ZNF365: variants seen among roughly 807,000 people sequenced by gnomAD.
ZNF365 encodes the protein zinc finger protein 365.
A neutral mutation model predicts 35.0 loss-of-function variants in ZNF365; 22 were observed. That is an observed-to-expected ratio of 0.63 (90% CI 0.45 to 0.90). ZNF365 has a LOEUF of 0.90. Ranked by LOEUF, ZNF365 falls within the 40% of genes least tolerant of loss-of-function variation. The pLI is 0.00. For synonymous variants in ZNF365, 188 were observed against 196.2 expected (o/e 0.96, Z 0.35); for missense variants, 448 against 500.3 (o/e 0.90, Z 1.00).
chr10:62,459,653 A>G, intron 3 of ZNF365: 1 of 1,413,542 alleles, frequency 7.1e-7, no homozygotes, highest in Non-Finnish European at 9.8e-7. Context: ...AATGAATGGA[A>G]CATGGCACTG....
intron 2 of ZNF365, among the ~76,000 whole-genome samples, chr10:62,387,951 C>T (rs929477136): frequency 2.6e-5 from 4 of 152,152 alleles, no homozygotes; most frequent in Non-Finnish European, 4.4e-5. Context: ...TACCTAGCTC[C>T]CTCCTCCATG....
intron 4 of ZNF365, among the ~76,000 whole-genome samples, 180 bp from the exon 5 acceptor site, chr10:62,399,348 T>C (rs543052650): frequency 7.9e-5 from 12 of 152,216 alleles, no homozygotes; most frequent in Non-Finnish European, 1.6e-4. Context: ...GATCTTTTCA[T>C]GGCGACCACA....
downstream of ZNF365, chr10:62,402,577 T>C (rs780781122): frequency 5.7e-6 from 3 of 526,188 alleles, no homozygotes; most frequent in Non-Finnish European, 7.3e-6. Context: ...CAGGATCTTG[T>C]GTACCTATAG....
At chr10:62,435,619 C>T (rs1840395231) in intron 3 of ZNF365, among the ~76,000 whole-genome samples, 1 of 152,100 alleles carries the variant, frequency 6.6e-6, no homozygotes, top group Non-Finnish European at 1.5e-5. Flanking sequence ...GGCTTGTTCC[C>T]AATCAAGGGA....
intron 3 of ZNF365, among the ~76,000 whole-genome samples, chr10:62,453,103 T>C (rs1404064884): frequency 2.0e-5 from 3 of 152,252 alleles, no homozygotes; most frequent in Non-Finnish European, 4.4e-5. Flanking sequence ...GGAATACAAG[T>C]ACTAAAAAAC....
intron 4 of ZNF365, among the ~76,000 whole-genome samples, chr10:62,466,778 C>T (rs1250733980): frequency 6.6e-6 from 1 of 151,856 alleles, no homozygotes; most frequent in Non-Finnish European, 1.5e-5. Context: ...GAAATGCTAA[C>T]CTTATAAGAG....
downstream of ZNF365, among the ~76,000 whole-genome samples, chr10:62,405,451 G>A (rs1242811529): frequency 6.6e-6 from 1 of 152,160 alleles, no homozygotes; most frequent in Admixed American, 6.5e-5. Flanking sequence ...AAAAGGAATT[G>A]TCCTTCTACA....
chr10:62,390,598 G>T (rs1839610555), intron 3 of ZNF365, among the ~76,000 whole-genome samples: 1 of 152,186 alleles, frequency 6.6e-6, no homozygotes, highest in Non-Finnish European at 1.5e-5. Flanking sequence ...AGTTAGATAT[G>T]TACATGCAAA....
rs76716689 is a variant in ZNF365 at position 62,384,799 on chromosome 10, G to A, written c.744-3597G>A. On this transcript the variant is annotated intron_variant, in intron 2 of 4. Coordinates refer to ENST00000395254, the MANE Select transcript of ZNF365 (RefSeq NM_014951.3). ...CAGTGAACATTTTGTACTTTCTTACGTTGAAATCTATTGGTCTGTCTTGCA... is the reference window on the plus strand; with the variant it reads ...CAGTGAACATTTTGTACTTTCTTACATTGAAATCTATTGGTCTGTCTTGCA... Among the ~76,000 whole-genome samples, 586 of 152,268 alleles carry A rather than the reference G, an allele frequency of 3.8e-3. 7 individuals carry two copies. Among genetic ancestry groups the A allele is most frequent in the African/African-American group, 0.013 (555 of 41,548 alleles).
intron 4 of ZNF365, among the ~76,000 whole-genome samples, chr10:62,460,241 T>C (rs1840825876): frequency 6.6e-6 from 1 of 152,220 alleles, no homozygotes; most frequent in Non-Finnish European, 1.5e-5. Context: ...TATTGAGTAC[T>C]TGTCCAAGTC....
chr10:62,458,628 G>A (rs1840798989), intron 3 of ZNF365, among the ~76,000 whole-genome samples: 1 of 152,054 alleles, frequency 6.6e-6, no homozygotes, highest in Admixed American at 6.6e-5. Context: ...TACCCTTCTA[G>A]AAGAGTTTTG....
intron 3 of ZNF365, among the ~76,000 whole-genome samples, chr10:62,458,873 T>C (rs938920186): frequency 5.3e-5 from 8 of 152,170 alleles, no homozygotes; most frequent in Admixed American, 3.3e-4. Flanking sequence ...TTTTGGTTTT[T>C]TGTTGTTATT....
intron 2 of ZNF365, among the ~76,000 whole-genome samples, chr10:62,382,284 G>A (rs1839452558): frequency 6.6e-6 from 1 of 152,152 alleles, no homozygotes; most frequent in South Asian, 2.1e-4. Context: ...TAGAAAGCAG[G>A]CCAAGAAAAA....
At chr10:62,464,355 C>T (rs1006729582) in intron 4 of ZNF365, among the ~76,000 whole-genome samples, 4 of 152,206 alleles carry the variant, frequency 2.6e-5, no homozygotes, top group African/African-American at 7.2e-5. Flanking sequence ...CTTCACAACA[C>T]GTAAGAGGAT....
chr10:62,405,188 G>A (rs1839887387), downstream of ZNF365, among the ~76,000 whole-genome samples: 1 of 152,152 alleles, frequency 6.6e-6, no homozygotes, highest in Admixed American at 6.5e-5. Context: ...TAAATCAACA[G>A]CAGTTCTTTC....
At chr10:62,395,571 G>A (rs1013157103) in intron 3 of ZNF365, among the ~76,000 whole-genome samples, 1 of 146,086 alleles carries the variant, frequency 6.8e-6, no homozygotes, top group Non-Finnish European at 1.5e-5. Flanking sequence ...GGGCCAGGCT[G>A]GTCTCGAACT....
intron 2 of ZNF365, among the ~76,000 whole-genome samples, chr10:62,380,421 A>T (rs142491436): frequency 6.4e-4 from 97 of 152,348 alleles, no homozygotes; most frequent in Middle Eastern, 3.4e-3. Context: ...AATACATGTA[A>T]TATACAAAAT....
At chr10:62,428,946 A>T (rs1840293609) in intron 3 of ZNF365, among the ~76,000 whole-genome samples, 1 of 152,182 alleles carries the variant, frequency 6.6e-6, no homozygotes, top group African/African-American at 2.4e-5. Context: ...CACTGTGGCC[A>T]ATTTCAGGCT....
At chr10:62,414,379 T>TAA (rs1564580266) in intron 3 of ZNF365, among the ~76,000 whole-genome samples, 34 of 144,702 alleles carry the variant, frequency 2.3e-4, no homozygotes, top group African/African-American at 8.3e-4. Flanking sequence ...TTTTTTTTTT[T>TAA]AATTTTGTTT....
Sources: allele counts gnomAD v4.1 joint callset (sites outside exome capture counted in the v4.1 genomes callset), GRCh38; gene constraint gnomAD v4.1.1; transcripts MANE v1.5; gene names NCBI Gene and HGNC (gene_info 2026-07-23, HGNC 2026-07-21).